The following CDHR5 variants were observed in gnomAD, a reference collection of about 807,000 sequenced individuals.
CDHR5 encodes cadherin related family member 5.
Under a neutral mutation model 69.5 loss-of-function variants are expected in CDHR5, and 82 were observed. The ratio of observed to expected loss-of-function variants is 1.18; its 90% confidence interval spans 0.99 to 1.42. CDHR5 has a LOEUF of 1.42. Ranked by LOEUF, CDHR5 falls within the 40% of genes most tolerant of loss-of-function variation. CDHR5 has a pLI of 0.00. For missense variants in CDHR5, 1,293 were observed against 1,168.9 expected (o/e 1.11, Z -1.55); for synonymous variants, 601 against 510.2 (o/e 1.18, Z -2.40).
At chr11:623,876 G>A (rs1394082852) in intron 3 of CDHR5, among the ~76,000 whole-genome samples, 1 of 152,088 alleles carries the variant, frequency 6.6e-6, no homozygotes, top group Admixed American at 6.6e-5. Flanking sequence ...ATTTACCAGT[G>A]GGGGGCTGTG....
chr11:621,678 G>C lies in CDHR5; in HGVS notation c.406-15C>G. On this transcript the variant is annotated splice_polypyrimidine_tract_variant and intron_variant, in intron 4 of 14. Transcript: ENST00000397542. This position sits in a 1 kb window ranked among gnomAD's most constrained non-coding sequence, Gnocchi z 4.4. ...ACTTTCGTGTCCTGGGGAGGGAGAGGGGCTTGGTCCGGCCACACTCTTGGC... is the reference window on the plus strand; with the variant it reads ...ACTTTCGTGTCCTGGGGAGGGAGAGCGGCTTGGTCCGGCCACACTCTTGGC... The C allele has an allele frequency of 5.0e-6, 8 of 1,599,472 alleles. No individual in the cohort carries two copies. Among genetic ancestry groups the C allele is most frequent in the Non-Finnish European group, 6.9e-6 (8 of 1,167,074 alleles).
In CDHR5 at chr11:620,330, G is replaced by A. The variant is rs1446858523; in HGVS notation, c.846C>T (p.Gly282=). Reference sequence around the variant, plus strand: ...TGCTGTAGATGATGGGCTGGTTGATGCCGCGGTCTCCGTCCTCAGCGTAGA... The same window carrying A: ...TGCTGTAGATGATGGGCTGGTTGATACCGCGGTCTCCGTCCTCAGCGTAGA... ...GPIYAEDGDR[G]INQPIIYSIF... The change falls in exon 8 of 15, where the codon GGC becomes GGT. Residue 282 remains glycine, a synonymous_variant. Transcript: ENST00000397542. 1.2e-6 allele frequency: 2 copies of A among 1,612,880 alleles called. No homozygotes were observed. Among genetic ancestry groups the A allele is most frequent in the South Asian group, 2.2e-5 (2 of 90,892 alleles).
chr11:619,071 A>G lies in CDHR5; in HGVS notation c.1488T>C (p.Ser496=). 1 of 1,612,306 alleles carries G rather than the reference A, an allele frequency of 6.2e-7. No individual in the cohort carries two copies. The highest frequency in any genetic ancestry group is 8.5e-7 in the Non-Finnish European group (1 of 1,179,446). ...GTGGATGAGGGCCTGTGCCTCCCCCAGAGCTGGTCGTGGAGGGTCCCTGGG... is the reference window on the plus strand; with the variant it reads ...GTGGATGAGGGCCTGTGCCTCCCCCGGAGCTGGTCGTGGAGGGTCCCTGGG... ...EPSQGPSTTS[S]GGGTGPHPPS... Residue 496 remains serine, a synonymous_variant, in exon 13 of 15, where the codon TCT becomes TCC. Coordinates refer to ENST00000397542, the MANE Select transcript of CDHR5 (RefSeq NM_021924.5).
At position 618,820 on chromosome 11, in the gene CDHR5, TGA is replaced by T. The variant is rs201083971; in HGVS notation, c.1737_1738del (p.Gln580AlafsTer134). Reference sequence around the variant, plus strand: ...GGTTCCCATACTGGGGGGCATCGGCTGAGAGGTTCCTGGCTCTGGGGTCTGTG... The same window carrying T: ...GGTTCCCATACTGGGGGGCATCGGCTGAGGTTCCTGGCTCTGGGGTCTGTG... On this transcript the variant is annotated frameshift_variant, in exon 13 of 15. Coordinates refer to ENST00000397542, the MANE Select transcript of CDHR5 (RefSeq NM_021924.5). LOFTEE classifies it high-confidence loss of function. 1,856 of 1,610,312 alleles carry T rather than the reference TGA, an allele frequency of 1.2e-3. 34 individuals carry two copies. The African/African-American group carries it at 0.022, about 19-fold the overall frequency.
intron 3 of CDHR5, among the ~76,000 whole-genome samples, chr11:622,514 C>T (rs1857473652): frequency 6.6e-6 from 1 of 150,752 alleles, no homozygotes; most frequent in African/African-American, 2.4e-5. Context: ...GGCTGGAGTA[C>T]AGTGGTGTGA....
Position 619,792 on chromosome 11 carries a change from C to A in CDHR5, c.1068G>T (p.Gln356His), listed in dbSNP as rs758796445. The change falls in exon 10 of 15, where the codon CAG becomes CAT. Residue 356 changes from glutamine (Q) to histidine (H), a missense_variant. Physicochemically the swap from Gln to His is conservative, Grantham distance 24. Coordinates refer to ENST00000397542, the MANE Select transcript of CDHR5 (RefSeq NM_021924.5). ...GCGCCACGGTGCCACGATACAGTCT[C>A]TGGGGGAAGCGGGGCGGGCTCCCGG... is the stretch of plus-strand genomic sequence containing the variant. ...AAAGSPPRFP[Q>H]RLYRGTVARG... 2 of 1,606,008 alleles carry A rather than the reference C, an allele frequency of 1.2e-6. No homozygotes were observed. The highest frequency in any genetic ancestry group is 1.7e-6 in the Non-Finnish European group (2 of 1,178,524).
At position 624,628 on chromosome 11, in the gene CDHR5, C is replaced by T. The variant is rs950963839; in HGVS notation, c.190G>A (p.Ala64Thr). ...VPEGQEVTLG[A>T]LSTPFAFRIQ... The stretch of plus-strand genomic sequence containing the variant: ...CGAAATGCAAAGGGGGTGGACAAGG[C>T]TCCGAGGGTCACCTCCTGGCCCTCC... The change falls in exon 2 of 15, where the codon GCC becomes ACC. Residue 64 changes from alanine (A) to threonine (T), a missense_variant. Transcript: ENST00000397542. The surrounding 1 kb of genome is among the most constrained non-coding windows in gnomAD (Gnocchi z 5.3). 1.9e-6 allele frequency: 3 copies of T among 1,613,132 alleles called. No homozygotes were observed. Among genetic ancestry groups the T allele is most frequent in the East Asian group, 2.2e-5 (1 of 44,874 alleles).
At position 624,444 on chromosome 11, in the gene CDHR5, G is replaced by T. The variant is rs1202797935; in HGVS notation, c.261+113C>A. On this transcript the variant is annotated intron_variant, in intron 2 of 14. Transcript: ENST00000397542. The surrounding 1 kb of genome is among the most constrained non-coding windows in gnomAD (Gnocchi z 5.3). ...AGGGCAGGCACCACCAAGCATGGGT[G>T]TCAGTGGATGCCCGCAGGCATAGAA... 1 of 1,094,368 alleles carries T rather than the reference G, an allele frequency of 9.1e-7. No homozygotes were observed. The highest frequency in any genetic ancestry group is 1.4e-6 in the Non-Finnish European group (1 of 714,562). The allele number at this position is 1,094,368 out of a possible 1,614,324, so 67.8% of individuals were successfully genotyped here.
chr11:618,575 G>A, intron 13 of CDHR5, 24 bp downstream of exon 13: 3 of 1,612,478 alleles, frequency 1.9e-6, no homozygotes, highest in Non-Finnish European at 1.7e-6. Flanking sequence ...AGTCAGGGAG[G>A]GAAGGCAACA....
chr11:620,723 C>A (rs529538576), intron 7 of CDHR5, among the ~76,000 whole-genome samples: 72 of 152,268 alleles, frequency 4.7e-4, no homozygotes, highest in Middle Eastern at 6.8e-3. Context: ...GCCCCAGGTG[C>A]CTTGGTGCCA....
At position 619,842 on chromosome 11, in the gene CDHR5, C is replaced by G; in HGVS notation, c.1018G>C (p.Val340Leu). 1 of 1,565,746 alleles carries G rather than the reference C, an allele frequency of 6.4e-7. No homozygotes were observed. Among genetic ancestry groups the G allele is most frequent in the Non-Finnish European group, 8.6e-7 (1 of 1,159,794 alleles). Reference sequence around the variant, plus strand: ...GCCGCAGCCACAGCCTCCACGGTGACCTGGGTCACTGAGTAGCGGGCAAGG... The same window carrying G: ...GCCGCAGCCACAGCCTCCACGGTGAGCTGGGTCACTGAGTAGCGGGCAAGG... ...ADLARYSVTQ[V>L]TVEAVAAAGS... Residue 340 changes from valine (V) to leucine (L), a missense_variant, in exon 10 of 15, where the codon GTC (valine) becomes CTC (leucine). Val to Leu is a conservative substitution (Grantham distance 32, BLOSUM62 1). Transcript: ENST00000397542.
chr11:620,017 C>T (rs1564896833), intron 9 of CDHR5, 50 bp downstream of exon 9: 2 of 1,399,502 alleles, frequency 1.4e-6, no homozygotes, highest in South Asian at 1.3e-5. Flanking sequence ...CCCGCCCTAC[C>T]TTCCACCCTT....
At position 617,575 on chromosome 11, in the gene CDHR5, T is replaced by TG; in HGVS notation, c.2313dup (p.Thr772HisfsTer47). On this transcript the variant is annotated frameshift_variant, in exon 15 of 15. Transcript: ENST00000397542. LOFTEE classifies it low-confidence loss of function (END_TRUNC). Reference sequence around the variant, plus strand: ...TTGGTCAGGATGGACCTCACCGCCGTGGGGCTTCCGCCAGCTCGGGCCGCT... The same window carrying TG: ...TTGGTCAGGATGGACCTCACCGCCGTGGGGGCTTCCGCCAGCTCGGGCCGCT... The TG allele has an allele frequency of 1.2e-6, 2 of 1,611,532 alleles. No individual in the cohort carries two copies. The highest frequency in any genetic ancestry group is 1.7e-6 in the Non-Finnish European group (2 of 1,179,326).
At chr11:622,144 C>T (rs1053528479) in intron 3 of CDHR5, among the ~76,000 whole-genome samples, 8 of 152,098 alleles carry the variant, frequency 5.3e-5, no homozygotes, top group Admixed American at 1.3e-4. Flanking sequence ...CCGTCCCCGC[C>T]GTGAGTGGGG....
At chr11:618,341 T>G (rs1857109686) in intron 13 of CDHR5, among the ~76,000 whole-genome samples, 1 of 151,830 alleles carries the variant, frequency 6.6e-6, no homozygotes, top group South Asian at 2.1e-4. Context: ...TCACAAGAGG[T>G]GCAGGGACTT....
At position 618,958 on chromosome 11, in the gene CDHR5, G is replaced by A; in HGVS notation, c.1601C>T (p.Thr534Ile). Residue 534 changes from threonine to isoleucine, a missense_variant, in exon 13 of 15, where the codon ACT (threonine) becomes ATT (isoleucine). Thr to Ile is a moderately conservative substitution (Grantham distance 89). Coordinates refer to ENST00000397542, the MANE Select transcript of CDHR5 (RefSeq NM_021924.5). ...AENSTSHQPA[T>I]PGGDTAQTPK... ...GGTCTGTGCTGTGTCCCCACCGGGAGTGGCTGGTTGGTGGGAGGTGCTGTT... is the reference window on the plus strand; with the variant it reads ...GGTCTGTGCTGTGTCCCCACCGGGAATGGCTGGTTGGTGGGAGGTGCTGTT... The A allele has an allele frequency of 6.2e-7, 1 of 1,613,850 alleles. No homozygotes were observed. The highest frequency in any genetic ancestry group is 8.5e-7 in the Non-Finnish European group (1 of 1,179,920).
At position 620,611 on chromosome 11, in the gene CDHR5, C is replaced by T. The variant is rs73400311; in HGVS notation, c.790-225G>A. ...GAATGAGTCCAGTGGCCCAAAGATA[C>T]TGAGTCCCATTTGCACAAGGCTTGT... On this transcript the variant is annotated intron_variant, in intron 7 of 14. Coordinates refer to ENST00000397542, the MANE Select transcript of CDHR5 (RefSeq NM_021924.5). Among the ~76,000 whole-genome samples the T allele has an allele frequency of 9.5e-3, 1,450 of 152,320 alleles. 20 individuals carry two copies. Among genetic ancestry groups the T allele is most frequent in the African/African-American group, 0.033 (1,373 of 41,560 alleles).
chr11:618,863 G>T lies in CDHR5; in HGVS notation c.1696C>A (p.Pro566Thr), dbSNP rs780695049. The T allele has an allele frequency of 6.2e-7, 1 of 1,611,794 alleles. No individual in the cohort carries two copies. The highest frequency in any genetic ancestry group is 8.5e-7 in the Non-Finnish European group (1 of 1,179,390). ...GTSTSHQPAT[P>T]SGGTAQTPEP... ...GGGGTCTGTGCTGTGCCCCCACTGG[G>T]TGTGGCTGGTTGGTGGGAGGTGCTG... Residue 566 changes from proline (P) to threonine (T), a missense_variant, in exon 13 of 15, where the codon CCC (proline) becomes ACC (threonine). Transcript: ENST00000397542.
rs1235357313 is a variant in CDHR5, at chr11:621,563, G to A, written c.506C>T (p.Ala169Val). 1 of 1,611,602 alleles carries A rather than the reference G, an allele frequency of 6.2e-7. No homozygotes were observed. The change falls in exon 5 of 15, where the codon GCA becomes GTA. Residue 169 changes from alanine to valine, a missense_variant and splice_region_variant. Ala to Val is a moderately conservative substitution (Grantham distance 64). Transcript: ENST00000397542. This position sits in a 1 kb window ranked among gnomAD's most constrained non-coding sequence, Gnocchi z 4.4. ...TGGGGCAGGGTGGGCGGCACTGACTGCTGTCATTTCCTGGAGGGTGTAGAA... is the reference window on the plus strand; with the variant it reads ...TGGGGCAGGGTGGGCGGCACTGACTACTGTCATTTCCTGGAGGGTGTAGAA... The part of the protein sequence containing the change: ...ILFYTLQEMT[A>V]GASDYFSLVS...
Sources: allele counts gnomAD v4.1 joint callset (sites outside exome capture counted in the v4.1 genomes callset), GRCh38; gene constraint gnomAD v4.1.1; non-coding constraint Gnocchi (gnomAD v3.1); transcripts MANE v1.5; gene names NCBI Gene and HGNC (gene_info 2026-07-23, HGNC 2026-07-21).